The following ZNF254 variants were observed in gnomAD, a reference collection of about 807,000 sequenced individuals.
The protein encoded by ZNF254 is zinc finger protein 254.
ZNF254 carries 10 observed loss-of-function variants against 12.4 expected under a neutral mutation model. The observed-to-expected ratio is 0.80, with a 90% CI of 0.50 to 1.36. The LOEUF (loss-of-function observed/expected upper bound fraction) is 1.36. ZNF254 is among the 40% of genes most tolerant of loss of function. ZNF254 has a pLI of 0.00. For missense variants in ZNF254, 996 were observed against 763.9 expected (o/e 1.30, Z -3.58); for synonymous variants, 305 against 253.4 (o/e 1.20, Z -1.93).
intron 1 of ZNF254, among the ~76,000 whole-genome samples, chr19:24,097,976 T>C (rs1972773301): frequency 6.6e-6 from 1 of 152,142 alleles, no homozygotes; most frequent in Non-Finnish European, 1.5e-5. Context: ...ACACATTCAC[T>C]AGTATTTTCT....
intron 2 of ZNF254, among the ~76,000 whole-genome samples, chr19:24,051,715 A>G (rs546237913): frequency 1.0e-3 from 151 of 151,752 alleles, no homozygotes; most frequent in Non-Finnish European, 1.7e-3. Flanking sequence ...TAGGGGTATT[A>G]TGAAATATCT....
chr19:24,061,314 T>G (rs1191748573), intron 2 of ZNF254, among the ~76,000 whole-genome samples: 2 of 152,226 alleles, frequency 1.3e-5, no homozygotes, highest in African/African-American at 2.4e-5. Context: ...TTAGGTGATG[T>G]GACTCTTCTG....
chr19:24,052,399 A>G (rs1226722414), intron 2 of ZNF254, among the ~76,000 whole-genome samples: 1 of 152,138 alleles, frequency 6.6e-6, no homozygotes, highest in Non-Finnish European at 1.5e-5. Flanking sequence ...CACCCATGAA[A>G]TCGGAGGCTT....
At chr19:24,076,644 T>G (rs759208407) in intron 2 of ZNF254, among the ~76,000 whole-genome samples, 1 of 152,144 alleles carries the variant, frequency 6.6e-6, no homozygotes, top group Non-Finnish European at 1.5e-5. Flanking sequence ...TGAAAAAAAT[T>G]TATTTGAATT....
At chr19:24,077,041 A>G (rs1971684065) in intron 2 of ZNF254, among the ~76,000 whole-genome samples, 1 of 152,222 alleles carries the variant, frequency 6.6e-6, no homozygotes, top group African/African-American at 2.4e-5. Context: ...ACCTGAGACA[A>G]ATGCAGATCT....
chr19:24,087,103 T>C (rs1972068824), upstream of ZNF254: 2 of 565,194 alleles, frequency 3.5e-6, no homozygotes, highest in Non-Finnish European at 6.4e-6. Context: ...CCTTAAACGT[T>C]ATCCAACTAG....
upstream of ZNF254, among the ~76,000 whole-genome samples, chr19:24,085,427 A>ATATGT (rs1369362234): frequency 2.8e-4 from 12 of 42,452 alleles, no homozygotes; most frequent in South Asian, 1.0e-3. Context: ...TATATATATA[A>ATATGT]AAACTAAGAT....
Position 24,046,373 on chromosome 19 carries a change from TTATATA to T in ZNF254, c.-94+116_-94+121del, listed in dbSNP as rs34508258. On this transcript the variant is annotated intron_variant, in intron 2 of 4. Transcript: ENST00000613065. ...TTGTCTTCCATTATTTTATTATTTTTTATATATATATATATATATATATATATGTGC... is the reference window on the plus strand; with the variant it reads ...TTGTCTTCCATTATTTTATTATTTTTTATATATATATATATATATATGTGC... The T allele has an allele frequency of 5.4e-4, 52 of 95,492 alleles. 2 individuals are homozygous for T. The South Asian group carries it at 7.1e-3, about 13-fold the overall frequency. The allele number at this position is 95,492 out of a possible 1,614,324, so 5.9% of individuals were successfully genotyped here.
chr19:24,039,521 T>G (rs1461985610), intron 1 of ZNF254, among the ~76,000 whole-genome samples: 3 of 152,166 alleles, frequency 2.0e-5, no homozygotes, highest in African/African-American at 7.2e-5. Flanking sequence ...GCCTCCCTGG[T>G]TCAAGTGATT....
At chr19:24,037,639 C>T (rs1335309689) in intron 1 of ZNF254, among the ~76,000 whole-genome samples, 1 of 151,444 alleles carries the variant, frequency 6.6e-6, no homozygotes, top group Non-Finnish European at 1.5e-5. Flanking sequence ...GATGTAGTTT[C>T]GCTCTTGTCC....
At chr19:24,112,869 A>G (rs913348266) in intron 3 of ZNF254, among the ~76,000 whole-genome samples, 2 of 152,194 alleles carry the variant, frequency 1.3e-5, no homozygotes, top group Non-Finnish European at 2.9e-5. Context: ...TCCCACAGAA[A>G]TTACAAAGTA....
chr19:24,124,617 GTAT>G (rs1974703691), intron 3 of ZNF254, among the ~76,000 whole-genome samples: 1 of 151,564 alleles, frequency 6.6e-6, no homozygotes, highest in African/African-American at 2.4e-5. Context: ...TTTGCTGATG[GTAT>G]TATTCTCAAT....
chr19:24,123,589 GACACACAC>G (rs537202177), intron 3 of ZNF254, among the ~76,000 whole-genome samples: 60 of 151,130 alleles, frequency 4.0e-4, no homozygotes, highest in African/African-American at 1.3e-3. Flanking sequence ...CCTAATGTGA[GACACACAC>G]ACACACACCT....
intron 1 of ZNF254, among the ~76,000 whole-genome samples, chr19:24,044,754 T>G (rs1415985024): frequency 6.6e-6 from 1 of 152,138 alleles, no homozygotes. Context: ...CCAGTTGTCT[T>G]AACTTTCTTA....
intron 2 of ZNF254, chr19:24,066,704 AAAACAAAACAAAAC>A (rs1364872255): frequency 1.4e-5 from 2 of 144,052 alleles, no homozygotes; most frequent in Non-Finnish European, 3.0e-5. Flanking sequence ...AAAACAAAAC[AAAACAAAACAAAAC>A]AAAACAAAAC....
rs759685487 is a variant in ZNF254, at chr19:24,126,803, G to A, written c.803G>A (p.Cys268Tyr). 8 of 1,613,096 alleles carry A rather than the reference G, an allele frequency of 5.0e-6. No individual in the cohort carries two copies. The highest frequency in any genetic ancestry group is 1.1e-5 in the South Asian group (1 of 91,018). ...IIHAGEKLYK[C>Y]EECGEAFNRS... ...CATGCTGGAGAGAAACTCTACAAAT[G>A]TGAAGAATGTGGTGAAGCTTTTAAT... Residue 268 changes from cysteine (C) to tyrosine (Y), a missense_variant, in exon 4 of 4, where the codon TGT becomes TAT. Coordinates refer to ENST00000357002, the MANE Select transcript of ZNF254 (RefSeq NM_203282.4).
intron 3 of ZNF254, among the ~76,000 whole-genome samples, chr19:24,118,764 A>G (rs1478880884): frequency 6.6e-6 from 1 of 152,082 alleles, no homozygotes; most frequent in Non-Finnish European, 1.5e-5. Context: ...TGTAGCTAAG[A>G]AAATGGCGCC....
chr19:24,119,416 C>A (rs1165215392), intron 3 of ZNF254, among the ~76,000 whole-genome samples: 2 of 151,880 alleles, frequency 1.3e-5, no homozygotes, highest in South Asian at 2.1e-4. Context: ...GATCTCAAAA[C>A]CCTGACCTCA....
intron 1 of ZNF254, among the ~76,000 whole-genome samples, chr19:24,092,421 C>T (rs1972447372): frequency 6.6e-6 from 1 of 152,020 alleles, no homozygotes; most frequent in Non-Finnish European, 1.5e-5. Context: ...CCACCCTCCC[C>T]CCCGGCCTCC....
Sources: gnomAD v4.1 joint callset for allele counts (sites outside exome capture counted in the v4.1 genomes callset) on GRCh38, gnomAD v4.1.1 for gene constraint, MANE v1.5 for transcripts, NCBI Gene and HGNC (gene_info 2026-07-23, HGNC 2026-07-21) for gene names.